CCSER1: variants seen among roughly 807,000 people sequenced by gnomAD.
CCSER1 encodes serine-rich coiled-coil domain-containing protein 1.
CCSER1 carries 41 observed loss-of-function variants against 82.0 expected under a neutral mutation model. That is an observed-to-expected ratio of 0.50 (90% confidence interval 0.39 to 0.65). The LOEUF (loss-of-function observed/expected upper bound fraction) is 0.65. Ranked by LOEUF, CCSER1 falls within the 30% of genes least tolerant of loss-of-function variation. The pLI, the probability that CCSER1 is intolerant of heterozygous loss-of-function variation, is 0.00. For synonymous variants in CCSER1, 414 were observed against 383.9 expected (o/e 1.08, Z -0.92); for missense variants, 1,119 against 1,064.2 (o/e 1.05, Z -0.72).
intron 10 of CCSER1, among the ~76,000 whole-genome samples, chr4:91,159,214 T>C (rs981849277): frequency 6.6e-6 from 1 of 152,004 alleles, no homozygotes; most frequent in Non-Finnish European, 1.5e-5. Context: ...GATAATACTA[T>C]TTCTTCTGAT....
chr4:90,924,949 A>G (rs1561372532), intron 9 of CCSER1, among the ~76,000 whole-genome samples: 1 of 151,594 alleles, frequency 6.6e-6, no homozygotes, highest in Non-Finnish European at 1.5e-5. Context: ...TTAGTCTCGA[A>G]CTCCTTACCT....
At chr4:90,825,453 T>C (rs565125462) in intron 8 of CCSER1, among the ~76,000 whole-genome samples, 25 of 152,258 alleles carry the variant, frequency 1.6e-4, no homozygotes, top group Non-Finnish European at 2.6e-4. Flanking sequence ...AAGTAGTCAG[T>C]GGGACATAAT....
chr4:91,459,320 G>C (rs181374445), intron 10 of CCSER1, among the ~76,000 whole-genome samples: 1 of 152,182 alleles, frequency 6.6e-6, no homozygotes, highest in African/African-American at 2.4e-5. Context: ...AGGAATGTGA[G>C]TGTGTATGTG....
At chr4:91,244,111 T>A (rs1218099188) in intron 10 of CCSER1, among the ~76,000 whole-genome samples, 1 of 152,136 alleles carries the variant, frequency 6.6e-6, no homozygotes, top group Non-Finnish European at 1.5e-5. Flanking sequence ...TAAATGAACA[T>A]TTGTGGTGGC....
At chr4:90,555,580 G>A (rs1778033423) in intron 5 of CCSER1, among the ~76,000 whole-genome samples, 1 of 152,132 alleles carries the variant, frequency 6.6e-6, no homozygotes, top group South Asian at 2.1e-4. Context: ...ACCTTTGCAA[G>A]TGTCAGAATG....
At chr4:90,219,563 C>T (rs1261038687) in intron 1 of CCSER1, among the ~76,000 whole-genome samples, 1 of 152,034 alleles carries the variant, frequency 6.6e-6, no homozygotes, top group African/African-American at 2.4e-5. Flanking sequence ...AACCCTAGTC[C>T]CAAGTATATT....
chr4:91,361,035 G>A (rs1174312939), intron 10 of CCSER1, among the ~76,000 whole-genome samples: 2 of 151,794 alleles, frequency 1.3e-5, no homozygotes, highest in African/African-American at 4.8e-5. Flanking sequence ...TTTAAATAAG[G>A]TCTTGAAGAG....
At chr4:90,188,248 T>G (rs1409814524) in intron 1 of CCSER1, among the ~76,000 whole-genome samples, 1 of 151,912 alleles carries the variant, frequency 6.6e-6, no homozygotes, top group Non-Finnish European at 1.5e-5. Flanking sequence ...AATTTTATTT[T>G]TATTTAAGTT....
At chr4:91,528,245 T>G (rs998238221) in intron 10 of CCSER1, among the ~76,000 whole-genome samples, 1 of 152,156 alleles carries the variant, frequency 6.6e-6, no homozygotes, top group African/African-American at 2.4e-5. Flanking sequence ...TTTGCTATAT[T>G]TTCATATAAT....
chr4:90,851,411 G>A (rs1328803180), intron 8 of CCSER1, among the ~76,000 whole-genome samples: 1 of 125,308 alleles, frequency 8.0e-6, no homozygotes, highest in African/African-American at 3.0e-5. Context: ...CCTACACTTT[G>A]CCAATCATTG....
rs370695067 is a variant in CCSER1 at position 90,342,796 on chromosome 4, G to A, written c.1509+29749G>A. Among the ~76,000 whole-genome samples the A allele has an allele frequency of 1.9e-3, 284 of 152,040 alleles. 1 individual carries two copies. Among genetic ancestry groups the A allele is most frequent in the African/African-American group, 6.0e-3 (248 of 41,476 alleles). On this transcript the variant is annotated intron_variant, in intron 3 of 10. Transcript: ENST00000509176. ...CCATAGTTTCCTCATTGTTACCATC[G>A]GTGGACTTCATCCTCTTTCTCTTCT...
chr4:90,718,655 T>C (rs921884795), intron 6 of CCSER1, among the ~76,000 whole-genome samples: 2 of 152,148 alleles, frequency 1.3e-5, no homozygotes, highest in Non-Finnish European at 2.9e-5. Context: ...TAAAATGATC[T>C]GTCAAAATTT....
intron 7 of CCSER1, among the ~76,000 whole-genome samples, chr4:90,805,627 G>A (rs1473243314): frequency 6.6e-6 from 1 of 152,154 alleles, no homozygotes; most frequent in Non-Finnish European, 1.5e-5. Context: ...GTTTATAGCT[G>A]TCTTTAATCT....
intron 10 of CCSER1, among the ~76,000 whole-genome samples, chr4:91,552,503 G>A (rs2110228114): frequency 6.6e-6 from 1 of 151,712 alleles, no homozygotes; most frequent in Non-Finnish European, 1.5e-5. Context: ...AGAATGAGAG[G>A]ATGGGTGGTA....
At chr4:91,190,994 A>G (rs1734949978) in intron 10 of CCSER1, among the ~76,000 whole-genome samples, 1 of 152,234 alleles carries the variant, frequency 6.6e-6, no homozygotes, top group African/African-American at 2.4e-5. Flanking sequence ...TAATCAGAAT[A>G]ATGTCTGAAA....
intron 10 of CCSER1, among the ~76,000 whole-genome samples, chr4:91,467,617 A>C (rs938838007): frequency 2.0e-5 from 3 of 152,224 alleles, no homozygotes; most frequent in African/African-American, 7.2e-5. Context: ...CAAAGGGCTA[A>C]TATCCAGAGT....
Position 91,603,893 on chromosome 4 carries a change from A to G in CCSER1, c.*4836A>G, listed in dbSNP as rs1015298318. 6.6e-6 allele frequency: 1 copy of G among 151,922 alleles called. No individual in the cohort carries two copies. Among genetic ancestry groups the G allele is most frequent in the South Asian group, 2.1e-4 (1 of 4,824 alleles). 9.4% of individuals were successfully genotyped at this position (151,922 alleles called of 1,614,324 possible). On this transcript the variant is annotated 3_prime_UTR_variant, in exon 11 of 11. Coordinates refer to ENST00000509176, the MANE Select transcript of CCSER1 (RefSeq NM_001145065.2). ...CTGGCCTCTTCCTCTTCTAATAACT[A>G]CAATAATTTCATCATGGGGGCCCCA...
chr4:90,662,918 A>T (rs1196783696), intron 6 of CCSER1, among the ~76,000 whole-genome samples: 2 of 152,150 alleles, frequency 1.3e-5, no homozygotes, highest in Non-Finnish European at 2.9e-5. Flanking sequence ...TTTTATTATT[A>T]TCACTGCTTA....
rs556437801 is a variant in CCSER1 at position 91,559,539 on chromosome 4, T to A, written c.2218-39033T>A. On this transcript the variant is annotated intron_variant, in intron 10 of 10. Transcript: ENST00000509176. Reference sequence around the variant, plus strand: ...GGGGTTTACTAATCCATCTGGCCATTTTTTTTGAATCCAGGGGAGTAGGGA... The same window carrying A: ...GGGGTTTACTAATCCATCTGGCCATATTTTTTGAATCCAGGGGAGTAGGGA... Among the ~76,000 whole-genome samples the A allele has an allele frequency of 2.0e-4, 30 of 151,408 alleles. No homozygotes were observed. In the South Asian group the frequency reaches 6.3e-3, roughly 32 times the overall value.
Sources: allele counts gnomAD v4.1 joint callset (sites outside exome capture counted in the v4.1 genomes callset), GRCh38; gene constraint gnomAD v4.1.1; transcripts MANE v1.5; gene names NCBI Gene and HGNC (gene_info 2026-07-23, HGNC 2026-07-21).